Variants in WNT10A observed in about 807,000 individuals in gnomAD.
WNT10A encodes the protein Wnt family member 10A.
In WNT10A, 37 loss-of-function variants were observed where a neutral mutation model predicts 36.1. The ratio of observed to expected loss-of-function variants is 1.02; its 90% CI spans 0.79 to 1.35. The LOEUF is 1.35. Among genes scored for constraint, WNT10A ranks in the 40% most tolerant of loss-of-function variants. WNT10A has a pLI of 0.00. For missense variants in WNT10A, 613 were observed against 601.4 expected (o/e 1.02, Z -0.20); for synonymous variants, 255 against 254.1 (o/e 1.00, Z -0.03).
At chr2:218,876,289 G>T (rs148401612), upstream of WNT10A, among the ~76,000 whole-genome samples, 9 of 152,290 alleles carry the variant, frequency 5.9e-5, no homozygotes, top group East Asian at 1.7e-3. Context: ...AGAACCACAG[G>T]GGGGTGGGGC....
the WNT10A span, among the ~76,000 whole-genome samples, chr2:218,875,159 C>CTTTTTTTTTTTTT: frequency 8.1e-4 from 30 of 36,864 alleles, 10 homozygotes; most frequent in East Asian, 2.0e-3. Context: ...GACTGACTTT[C>CTTTTTTTTTTTTT]TTTTTTTTTT....
In WNT10A at chr2:218,892,808, G is replaced by T. The variant is rs1944669118; in HGVS notation, c.791G>T (p.Cys264Phe). The change falls in exon 4 of 4, where the codon TGC (cysteine) becomes TTC (phenylalanine). Residue 264 changes from cysteine (C) to phenylalanine (F), a missense_variant. Cys to Phe is a radical substitution (Grantham distance 205). Transcript: ENST00000258411. ...VMENMRRKCKCHGTSGSCQLK... is the reference protein window; with the variant it reads ...VMENMRRKCKFHGTSGSCQLK... Reference sequence around the variant, plus strand: ...GAGAACATGCGGCGGAAGTGCAAGTGCCACGGCACGTCAGGCAGCTGCCAG... The same window carrying T: ...GAGAACATGCGGCGGAAGTGCAAGTTCCACGGCACGTCAGGCAGCTGCCAG... The T allele has an allele frequency of 2.5e-6, 4 of 1,596,792 alleles. No individual in the cohort carries two copies. The highest frequency in any genetic ancestry group is 3.4e-6 in the Non-Finnish European group (4 of 1,173,206).
chr2:218,890,547 A>G (rs1480078763), intron 3 of WNT10A, among the ~76,000 whole-genome samples, 184 bp downstream of exon 3: 2 of 152,224 alleles, frequency 1.3e-5, no homozygotes, highest in Non-Finnish European at 2.9e-5. Flanking sequence ...GCACTGGACT[A>G]GGCCTGGGGA....
At chr2:218,880,838 G>GGGA (rs1944502907), upstream of WNT10A, 1 of 798,188 alleles carries the variant, frequency 1.3e-6, no homozygotes, top group African/African-American at 1.9e-5. This position sits in a 1 kb window ranked among gnomAD's most constrained non-coding sequence, Gnocchi z 7.7. Flanking sequence ...CCATGGAGCG[G>GGGA]GGAGGCGGGC....
At chr2:218,890,469 C>T in intron 3 of WNT10A, 106 bp downstream of exon 3, 1 of 1,498,304 alleles carries the variant, frequency 6.7e-7, no homozygotes, top group African/African-American at 1.4e-5. Context: ...ACATGTCACA[C>T]CTTGGCAATC....
At chr2:218,881,270 G>A (rs1944509731) in intron 1 of WNT10A, among the ~76,000 whole-genome samples, 162 bp downstream of exon 1, 1 of 152,222 alleles carries the variant, frequency 6.6e-6, no homozygotes, top group East Asian at 1.9e-4. Context: ...CCTCATAGGA[G>A]GGGGTTGGAC....
chr2:218,880,073 C>A (rs1405050560), upstream of WNT10A, among the ~76,000 whole-genome samples: 1 of 152,134 alleles, frequency 6.6e-6, no homozygotes, highest in African/African-American at 2.4e-5. This position sits in a 1 kb window ranked among gnomAD's most constrained non-coding sequence, Gnocchi z 7.7. Context: ...GAGAAGAAAC[C>A]AGAGGCTGCC....
rs141891304 is a variant in WNT10A, at chr2:218,890,319, A to C, written c.712A>C (p.Ile238Leu). Residue 238 changes from isoleucine (I) to leucine (L), a missense_variant, in exon 3 of 4, where the codon ATC becomes CTC. Coordinates refer to ENST00000258411, the MANE Select transcript of WNT10A (RefSeq NM_025216.3). ...FLDSREPHRD[I>L]HARMRLHNNR... ...GGACTCCCGGGAGCCTCACAGAGACATCCACGCGAGAATGAGGCTTCACAA... is the reference window on the plus strand; with the variant it reads ...GGACTCCCGGGAGCCTCACAGAGACCTCCACGCGAGAATGAGGCTTCACAA... The C allele has an allele frequency of 8.8e-5, 141 of 1,602,218 alleles. 1 individual carries two copies. The highest frequency in any genetic ancestry group is 1.2e-4 in the Non-Finnish European group (139 of 1,179,944).
At position 218,880,863 on chromosome 2, in the gene WNT10A, G is replaced by C; in HGVS notation, c.-133G>C. On this transcript the variant is annotated 5_prime_UTR_variant, in exon 1 of 4. Transcript: ENST00000258411. This position sits in a 1 kb window ranked among gnomAD's most constrained non-coding sequence, Gnocchi z 7.7. ...GGGAGGCGGGCGCCGTCTGCTCCGGGAGCCCTGACCCGAGTCGGAGCTGTG... is the reference window on the plus strand; with the variant it reads ...GGGAGGCGGGCGCCGTCTGCTCCGGCAGCCCTGACCCGAGTCGGAGCTGTG... The C allele has an allele frequency of 1.8e-6, 2 of 1,130,982 alleles. No individual in the cohort carries two copies. The highest frequency in any genetic ancestry group is 2.4e-6 in the Non-Finnish European group (2 of 844,586). 70.1% of individuals were successfully genotyped at this position (1,130,982 alleles called of 1,614,324 possible). A position where few individuals can be genotyped will look rare whatever the true frequency, so the allele number is the denominator to read the frequency against.
At chr2:218,875,810 T>C in the WNT10A span, among the ~76,000 whole-genome samples, 1 of 152,350 alleles carries the variant, frequency 6.6e-6, no homozygotes, top group Non-Finnish European at 1.5e-5. Context: ...TGATAGTTAC[T>C]GTGAGAATGG....
upstream of WNT10A, among the ~76,000 whole-genome samples, chr2:218,879,706 G>A (rs1432997791): frequency 6.6e-6 from 1 of 152,266 alleles, no homozygotes; most frequent in African/African-American, 2.4e-5. Flanking sequence ...GCAACACTCA[G>A]TGTTGGGGAG....
chr2:218,882,130 C>T (rs753253994), intron 1 of WNT10A, 31 bp from the exon 2 acceptor site: 4 of 1,607,196 alleles, frequency 2.5e-6, no homozygotes, highest in Non-Finnish European at 3.4e-6. Context: ...CCCCCCAAAA[C>T]ACGTACCCAC....
rs1173695599 is a variant in WNT10A, at chr2:218,881,348, G to A, written c.113+240G>A. Among the ~76,000 whole-genome samples the A allele has an allele frequency of 2.0e-5, 3 of 152,178 alleles. No individual in the cohort carries two copies. In the East Asian group the frequency reaches 5.8e-4, roughly 29 times the overall value. ...CAGGAGCATGATGGCAACTAGGAGG[G>A]GAGGTGTGTGTGGGGGGGGAGCAAG... On this transcript the variant is annotated intron_variant, in intron 1 of 3. Coordinates refer to ENST00000258411, the MANE Select transcript of WNT10A (RefSeq NM_025216.3).
At chr2:218,889,753 G>A (rs746473166) in intron 2 of WNT10A, among the ~76,000 whole-genome samples, 82 of 152,346 alleles carry the variant, frequency 5.4e-4, no homozygotes, top group Middle Eastern at 3.4e-3. Context: ...GGAGAAGGGC[G>A]TACAAAAAGC....
chr2:218,882,408 C>T lies in WNT10A; in HGVS notation c.361C>T (p.Pro121Ser). 1 of 1,614,160 alleles carries T rather than the reference C, an allele frequency of 6.2e-7. No individual in the cohort carries two copies. The highest frequency in any genetic ancestry group is 8.5e-7 in the Non-Finnish European group (1 of 1,180,024). The change falls in exon 2 of 4, where the codon CCC becomes TCC. Residue 121 changes from proline (P) to serine (S), a missense_variant. Transcript: ENST00000258411. ...ETRNKIPYES[P>S]IFSRGFRESA... The stretch of plus-strand genomic sequence containing the variant: ...TCGCAACAAGATCCCCTATGAGAGT[C>T]CCATCTTCAGCAGAGGTAGCTGCCC...
upstream of WNT10A, among the ~76,000 whole-genome samples, chr2:218,878,997 C>T (rs985714968): frequency 2.0e-5 from 3 of 152,156 alleles, no homozygotes; most frequent in Admixed American, 6.5e-5. The surrounding 1 kb of genome is among the most constrained non-coding windows in gnomAD (Gnocchi z 4.1). Flanking sequence ...CAGTTGGGGT[C>T]AAATAAGGCT....
chr2:218,879,512 C>T (rs1461806201), upstream of WNT10A, among the ~76,000 whole-genome samples: 1 of 152,218 alleles, frequency 6.6e-6, no homozygotes, highest in Non-Finnish European at 1.5e-5. Context: ...CTTGCTTGGG[C>T]CCAGCACACT....
At chr2:218,876,749 C>G (rs1005418505), upstream of WNT10A, among the ~76,000 whole-genome samples, 2 of 152,170 alleles carry the variant, frequency 1.3e-5, no homozygotes, top group African/African-American at 4.8e-5. Flanking sequence ...AACAAAAAAA[C>G]CAAACAAGCC....
At position 218,881,031 on chromosome 2, in the gene WNT10A, C is replaced by G. The variant is rs1481057549; in HGVS notation, c.36C>G (p.Leu12=). ...CCCACCCTCGCCCCTGGCTGCGGCT[C>G]CGACCCCAGCCCCAGCCGCGGCCAG... ...GSAHPRPWLR[L]RPQPQPRPAL... is the part of the protein sequence containing the mutation. The change falls in exon 1 of 4, where the codon CTC becomes CTG. Residue 12 remains leucine, a synonymous_variant. Transcript: ENST00000258411. The G allele has an allele frequency of 3.1e-6, 5 of 1,599,936 alleles. No homozygotes were observed. The South Asian group carries it at 5.6e-5, about 18-fold the overall frequency.
Sources: gnomAD v4.1 joint callset for allele counts (sites outside exome capture counted in the v4.1 genomes callset) on GRCh38, gnomAD v4.1.1 for gene constraint, Gnocchi (gnomAD v3.1) non-coding constraint, MANE v1.5 for transcripts, NCBI Gene and HGNC (gene_info 2026-07-23, HGNC 2026-07-21) for gene names.